CTNND2: variants seen among roughly 807,000 people sequenced by gnomAD.
The protein encoded by CTNND2 is catenin delta 2, also known as catenin delta-2.
CTNND2 carries 22 observed loss-of-function variants against 144.4 expected under a neutral mutation model. The ratio of observed to expected loss-of-function variants is 0.15; its 90% CI spans 0.11 to 0.22. CTNND2 has a LOEUF of 0.22. Ranked by LOEUF, CTNND2 falls within the 10% of genes least tolerant of loss-of-function variation. The pLI, the probability that CTNND2 is intolerant of heterozygous loss-of-function variation, is 1.00. For missense variants in CTNND2, 1,353 were observed against 1,618.8 expected, an observed-to-expected ratio of 0.84 and a Z score of 2.82; for synonymous variants, 751 against 695.6, an observed-to-expected ratio of 1.08 and a Z score of -1.25.
chr5:11,517,035 T>C (rs988171459), intron 3 of CTNND2, among the ~76,000 whole-genome samples: 4 of 152,360 alleles, frequency 2.6e-5, no homozygotes, highest in African/African-American at 7.2e-5. Flanking sequence ...ATAGAATTAC[T>C]TTCCAATATC....
intron 1 of CTNND2, among the ~76,000 whole-genome samples, chr5:11,855,781 G>C (rs116219805): frequency 1.8e-3 from 267 of 152,206 alleles, no homozygotes; most frequent in African/African-American, 6.1e-3. Flanking sequence ...CCTCACCATA[G>C]ACCTAATAAA....
chr5:11,310,013 C>T (rs1390508976), intron 9 of CTNND2, among the ~76,000 whole-genome samples: 1 of 152,168 alleles, frequency 6.6e-6, no homozygotes, highest in Non-Finnish European at 1.5e-5. Context: ...GCCTGCAGAA[C>T]TGTGAGCCAA....
At chr5:11,514,485 G>A (rs954311971) in intron 3 of CTNND2, among the ~76,000 whole-genome samples, 1 of 152,060 alleles carries the variant, frequency 6.6e-6, no homozygotes, top group African/African-American at 2.4e-5. Flanking sequence ...AATATTTAAC[G>A]ATTTAAAAAT....
chr5:11,859,807 A>T (rs13178112), intron 1 of CTNND2, among the ~76,000 whole-genome samples: 146,830 of 152,156 alleles, frequency 0.96, 71,056 homozygotes, highest in East Asian at 1. Flanking sequence ...GTGAAATCAG[A>T]GTCCCCATAA....
At chr5:11,695,194 G>C (rs1420942321) in intron 2 of CTNND2, among the ~76,000 whole-genome samples, 3 of 152,178 alleles carry the variant, frequency 2.0e-5, no homozygotes, top group African/African-American at 7.2e-5. Context: ...ATCACACAAA[G>C]GAGGAAACTG....
At chr5:11,895,084 T>A (rs1737288212) in intron 1 of CTNND2, among the ~76,000 whole-genome samples, 2 of 152,114 alleles carry the variant, frequency 1.3e-5, no homozygotes, top group Admixed American at 1.3e-4. Context: ...AACAGTGTCC[T>A]GGCTCTTCCC....
chr5:11,069,687 GAGAGACAGAGAGAGAGAGA>G (rs1748036266), intron 16 of CTNND2, among the ~76,000 whole-genome samples: 4 of 142,712 alleles, frequency 2.8e-5, no homozygotes, highest in Non-Finnish European at 6.3e-5. Flanking sequence ...CAGAGAGACA[GAGAGACAGAGAGAGAGAGA>G]AGAGACAGAG....
intron 3 of CTNND2, among the ~76,000 whole-genome samples, chr5:11,504,056 A>C (rs1352966840): frequency 6.6e-6 from 1 of 152,234 alleles, no homozygotes; most frequent in East Asian, 1.9e-4. Context: ...CAAAACATAG[A>C]GAGTGCTAAA....
chr5:11,155,206 T>C (rs1228789589), intron 12 of CTNND2, among the ~76,000 whole-genome samples: 2 of 152,172 alleles, frequency 1.3e-5, no homozygotes, highest in Non-Finnish European at 2.9e-5. Flanking sequence ...AAGGTGATGA[T>C]TATAGCGGCC....
chr5:11,131,878 T>G (rs1755647818), intron 12 of CTNND2, among the ~76,000 whole-genome samples: 1 of 152,230 alleles, frequency 6.6e-6, no homozygotes, highest in African/African-American at 2.4e-5. Flanking sequence ...TTTATTTACT[T>G]GCAGGATATT....
chr5:11,179,278 G>A (rs984998769), intron 11 of CTNND2, among the ~76,000 whole-genome samples: 8 of 151,796 alleles, frequency 5.3e-5, no homozygotes, highest in African/African-American at 1.9e-4. Context: ...GGGTGACAGA[G>A]CGAGACTCCA....
intron 7 of CTNND2, among the ~76,000 whole-genome samples, chr5:11,376,897 AC>A (rs1757997739): frequency 6.6e-6 from 1 of 152,064 alleles, no homozygotes; most frequent in Non-Finnish European, 1.5e-5. Flanking sequence ...CCAGGAATTC[AC>A]ACAAGACAGC....
At chr5:11,205,048 C>A (rs922003157) in intron 10 of CTNND2, among the ~76,000 whole-genome samples, 1 of 152,156 alleles carries the variant, frequency 6.6e-6, no homozygotes, top group Non-Finnish European at 1.5e-5. Flanking sequence ...TGCTGCTATT[C>A]CTCTCAGGAA....
intron 2 of CTNND2, among the ~76,000 whole-genome samples, chr5:11,620,278 GCCTA>G (rs1275813640): frequency 6.6e-6 from 1 of 152,026 alleles, no homozygotes; most frequent in Non-Finnish European, 1.5e-5. Flanking sequence ...CAGCCCAACA[GCCTA>G]CCTTTCATAT....
intron 7 of CTNND2, among the ~76,000 whole-genome samples, chr5:11,382,595 C>CTGTGTATGTG (rs755324887): frequency 7.7e-6 from 1 of 130,148 alleles, no homozygotes; most frequent in African/African-American, 3.0e-5. Context: ...GAGTGAGACT[C>CTGTGTATGTG]TGTGTGTGTG....
chr5:11,101,127 G>A (rs757745864), intron 14 of CTNND2, among the ~76,000 whole-genome samples: 7 of 152,254 alleles, frequency 4.6e-5, no homozygotes, highest in East Asian at 3.9e-4. Flanking sequence ...ATTTTAGCAC[G>A]TTGATATTGA....
At chr5:11,817,415 GAGAGAGAGAGAGAGAGAGA>G (rs1793033138) in intron 1 of CTNND2, among the ~76,000 whole-genome samples, 2 of 532 alleles carry the variant, frequency 3.8e-3, no homozygotes, top group Non-Finnish European at 0.011. Flanking sequence ...AGGAGGGAGA[GAGAGAGAGAGAGAGAGAGA>G]GAGAGAGAGA....
At chr5:11,114,184 A>T (rs1241280251) in intron 13 of CTNND2, among the ~76,000 whole-genome samples, 1 of 152,232 alleles carries the variant, frequency 6.6e-6, no homozygotes, top group Non-Finnish European at 1.5e-5. Context: ...TTTTTCTTAC[A>T]TCAAAGACTT....
chr5:11,719,833 T>C (rs372058310), intron 2 of CTNND2, among the ~76,000 whole-genome samples: 249 of 142,108 alleles, frequency 1.8e-3, no homozygotes, highest in South Asian at 6.4e-3. Context: ...CTCTGACATA[T>C]ACACACACAC....
Sources: gnomAD v4.1 joint callset for allele counts (sites outside exome capture counted in the v4.1 genomes callset) on GRCh38, gnomAD v4.1.1 for gene constraint, MANE v1.5 for transcripts, NCBI Gene and HGNC (gene_info 2026-07-23, HGNC 2026-07-21) for gene names.